Variants in XPC observed in about 807,000 individuals in gnomAD.
XPC encodes the protein XPC complex subunit, DNA damage recognition and repair factor.
Under a neutral mutation model 95.8 loss-of-function variants are expected in XPC, and 76 were observed. The observed-to-expected ratio is 0.79, with a 90% confidence interval of 0.66 to 0.96. The LOEUF is 0.96. Ranked by LOEUF, XPC falls within the 40% of genes least tolerant of loss-of-function variation. XPC has a pLI of 0.00. For synonymous variants in XPC, 442 were observed against 442.1 expected (o/e 1.00, Z 0.00); for missense variants, 1,146 against 1,179.8 (o/e 0.97, Z 0.42).
At position 14,178,536 on chromosome 3, in the gene XPC, C is replaced by T. The variant is rs1696939718; in HGVS notation, c.33G>A (p.Pro11=). The T allele has an allele frequency of 6.2e-7, 1 of 1,612,974 alleles. No individual in the cohort carries two copies. Among genetic ancestry groups the T allele is most frequent in the Non-Finnish European group, 8.5e-7 (1 of 1,179,614 alleles). The change falls in exon 1 of 16, where the codon CCG becomes CCA. Residue 11 remains proline, a synonymous_variant. Transcript: ENST00000285021. The part of the protein sequence containing the change: MARKRAAGGE[P]RGRELRSQKS... ...TCTGGCTGCGCAGTTCGCGTCCCCG[C>T]GGCTCCCCGCCGGCCGCGCGTTTCC...
intron 5 of XPC, among the ~76,000 whole-genome samples, chr3:14,166,953 G>A (rs1007066753): frequency 6.6e-6 from 1 of 152,156 alleles, no homozygotes; most frequent in Non-Finnish European, 1.5e-5. Flanking sequence ...TGCATGCCAG[G>A]CATTGTGCTG....
rs1038581012 is a variant in XPC at position 14,178,548 on chromosome 3, G to A, written c.21C>T (p.Ala7=). 2 of 1,613,066 alleles carry A rather than the reference G, an allele frequency of 1.2e-6. No individual in the cohort carries two copies. The highest frequency in any genetic ancestry group is 1.7e-5 in the Admixed American group (1 of 60,002). The stretch of plus-strand genomic sequence containing the variant: ...GTTCGCGTCCCCGCGGCTCCCCGCC[G>A]GCCGCGCGTTTCCGAGCCATGTTGC... MARKRA[A]GGEPRGRELR... is the part of the protein sequence containing the mutation. Residue 7 remains alanine (A), a synonymous_variant, in exon 1 of 16, where the codon GCC becomes GCT. Coordinates refer to ENST00000285021, the MANE Select transcript of XPC (RefSeq NM_004628.5).
intron 11 of XPC, among the ~76,000 whole-genome samples, chr3:14,152,030 G>A (rs2125015078): frequency 6.6e-6 from 1 of 152,232 alleles, no homozygotes; most frequent in Non-Finnish European, 1.5e-5. Flanking sequence ...TGACCTCCCA[G>A]GACCCAGTAA....
intron 10 of XPC, 136 bp downstream of exon 10, chr3:14,156,199 A>C: frequency 1.8e-6 from 2 of 1,101,270 alleles, no homozygotes; most frequent in Non-Finnish European, 2.6e-6. Flanking sequence ...ACACACACAC[A>C]GCACACGCAC....
intron 7 of XPC, 73 bp from the exon 8 acceptor site, chr3:14,159,903 T>G (rs1398178180): frequency 1.4e-6 from 2 of 1,420,744 alleles, no homozygotes; most frequent in African/African-American, 2.8e-5. Flanking sequence ...TGTTGTTTGT[T>G]ATGGTGCTTG....
rs1189397569 is a variant in XPC at position 14,168,319 on chromosome 3, C to T, written c.474G>A (p.Leu158=). 3 of 1,613,962 alleles carry T rather than the reference C, an allele frequency of 1.9e-6. No homozygotes were observed. Among genetic ancestry groups the T allele is most frequent in the Non-Finnish European group, 2.5e-6 (3 of 1,179,872 alleles). ...TCTCTATCTCCACTGGCTTCACAGG[C>T]AGAAGAGATCGAGAGAAGGCTGTAC... ...RESTAFSRSL[L]PVKPVEIEIE... The change falls in exon 4 of 16, where the codon CTG becomes CTA. Residue 158 remains leucine (L), a synonymous_variant. Coordinates refer to ENST00000285021, the MANE Select transcript of XPC (RefSeq NM_004628.5).
At chr3:14,171,071 GACAT>G (rs1696592821) in intron 2 of XPC, among the ~76,000 whole-genome samples, 1 of 152,178 alleles carries the variant, frequency 6.6e-6, no homozygotes, top group African/African-American at 2.4e-5. Flanking sequence ...AATAACAAGA[GACAT>G]AGACAGCTAG....
Position 14,164,938 on chromosome 3 carries a change from G to T in XPC, c.780-5C>A, listed in dbSNP as rs1696314896. ...ACTGTAAATGTTCCAATGAACCTGG[G>T]GAGAAAGCAGGCATTCCTTGTGTCA... On this transcript the variant is annotated splice_region_variant and splice_polypyrimidine_tract_variant and intron_variant, in intron 6 of 15. Transcript: ENST00000285021. 1.9e-6 allele frequency: 3 copies of T among 1,605,322 alleles called. No individual in the cohort carries two copies.
intron 7 of XPC, among the ~76,000 whole-genome samples, chr3:14,160,532 A>G (rs985223130): frequency 6.6e-6 from 1 of 152,194 alleles, no homozygotes; most frequent in Admixed American, 6.5e-5. Context: ...GTGAGAAGCC[A>G]TTGTTATGGT....
Position 14,145,881 on chromosome 3 carries a change from G to C in XPC, c.*60C>G, listed in dbSNP as rs756388900. 7 of 1,564,870 alleles carry C rather than the reference G, an allele frequency of 4.5e-6. No individual in the cohort carries two copies. The South Asian group carries it at 8.1e-5, about 18-fold the overall frequency. On this transcript the variant is annotated 3_prime_UTR_variant, in exon 16 of 16. Coordinates refer to ENST00000285021, the MANE Select transcript of XPC (RefSeq NM_004628.5). ...CAGGGGCTGGGCATGCCCAGGGCAG[G>C]TGTGGGGCCTGTAGTGGGGCAGCAG... is the stretch of plus-strand genomic sequence containing the variant.
At chr3:14,166,518 C>G (rs186487414) in intron 5 of XPC, among the ~76,000 whole-genome samples, 1 of 152,070 alleles carries the variant, frequency 6.6e-6, no homozygotes, top group Admixed American at 6.5e-5. Flanking sequence ...CCCTTCACCC[C>G]CACCCCCCAA....
At chr3:14,166,361 G>A (rs1234965374) in intron 5 of XPC, among the ~76,000 whole-genome samples, 1 of 152,022 alleles carries the variant, frequency 6.6e-6, no homozygotes, top group African/African-American at 2.4e-5. Flanking sequence ...CCCAGGCCTG[G>A]GTGAGGGAGG....
chr3:14,158,268 C>T lies in XPC; in HGVS notation c.1615G>A (p.Glu539Lys). 6.2e-7 allele frequency: 1 copy of T among 1,614,046 alleles called. No homozygotes were observed. Among genetic ancestry groups the T allele is most frequent in the Non-Finnish European group, 8.5e-7 (1 of 1,179,900 alleles). The change falls in exon 9 of 16, where the codon GAG (glutamate) becomes AAG (lysine). Residue 539 changes from glutamate to lysine, a missense_variant. Physicochemically the swap from Glu to Lys is moderately conservative, Grantham distance 56. Coordinates refer to ENST00000285021, the MANE Select transcript of XPC (RefSeq NM_004628.5). This position sits in a 1 kb window ranked among gnomAD's most constrained non-coding sequence, Gnocchi z 5.2. ...DQWLEVFCEQ[E>K]EKWVCVDCVH... ...CAGTCTACACATACCCACTTTTCCT[C>T]CTGCTCACAGAACACCTCTAGCCAC...
intron 1 of XPC, among the ~76,000 whole-genome samples, chr3:14,174,724 G>A (rs1328181906): frequency 6.6e-6 from 1 of 152,148 alleles, no homozygotes. Context: ...GATATATGAT[G>A]TAATGTTACT....
At chr3:14,172,235 C>T (rs1338925547) in intron 2 of XPC, among the ~76,000 whole-genome samples, 1 of 152,202 alleles carries the variant, frequency 6.6e-6, no homozygotes, top group African/African-American at 2.4e-5. Context: ...CACATGGTTC[C>T]AGCCCTCTGA....
chr3:14,158,036 T>C lies in XPC; in HGVS notation c.1847A>G (p.Asp616Gly). ...TLRPYQSPFMDREKKEDLEFQ... is the reference protein window; with the variant it reads ...TLRPYQSPFMGREKKEDLEFQ... ...CTCCAAGTCTTCTTTCTTCTCCCTGTCCATAAATGGGCTCTGGTATGGTCT... is the reference window on the plus strand; with the variant it reads ...CTCCAAGTCTTCTTTCTTCTCCCTGCCCATAAATGGGCTCTGGTATGGTCT... Residue 616 changes from aspartate (D) to glycine (G), a missense_variant, in exon 9 of 16, where the codon GAC becomes GGC. Transcript: ENST00000285021. This position sits in a 1 kb window ranked among gnomAD's most constrained non-coding sequence, Gnocchi z 5.2. 6 of 1,601,340 alleles carry C rather than the reference T, an allele frequency of 3.7e-6. No homozygotes were observed. In the South Asian group the frequency reaches 5.5e-5, roughly 15 times the overall value.
chr3:14,171,712 T>C (rs888485549), intron 2 of XPC, among the ~76,000 whole-genome samples: 1 of 152,096 alleles, frequency 6.6e-6, no homozygotes, highest in African/African-American at 2.4e-5. Context: ...GGTGGGCACC[T>C]ACAGTCCCAG....
rs1695423197 is a variant in XPC at position 14,146,121 on chromosome 3, T to C, written c.2643A>G (p.Gly881=). The C allele has an allele frequency of 6.2e-7, 1 of 1,611,038 alleles. No individual in the cohort carries two copies. The highest frequency in any genetic ancestry group is 8.5e-7 in the Non-Finnish European group (1 of 1,179,170). ...AAAPHTDAGG[G]LSSDEEEGTS... is the part of the protein sequence containing the mutation. ...TCCCCTCCTCTTCATCAGAAGAGAG[T>C]CCACCTCCTGCATCTGTGTGGGGAG... The change falls in exon 16 of 16, where the codon GGA becomes GGG. Residue 881 remains glycine, a synonymous_variant. Transcript: ENST00000285021.
At chr3:14,172,684 C>T (rs144172740) in intron 2 of XPC, among the ~76,000 whole-genome samples, 183 bp downstream of exon 2, 1 of 152,322 alleles carries the variant, frequency 6.6e-6, no homozygotes, top group East Asian at 1.9e-4. Flanking sequence ...TCACTTACTG[C>T]ATGCTGTCAC....
Sources: allele counts gnomAD v4.1 joint callset (sites outside exome capture counted in the v4.1 genomes callset), GRCh38; gene constraint gnomAD v4.1.1; non-coding constraint Gnocchi (gnomAD v3.1); transcripts MANE v1.5; gene names NCBI Gene and HGNC (gene_info 2026-07-23, HGNC 2026-07-21).